DNAH9: variants seen among roughly 807,000 people sequenced by gnomAD.
DNAH9 encodes dynein axonemal heavy chain 9, also known as DNAH9 variant protein.
Under a neutral mutation model 471.6 loss-of-function variants are expected in DNAH9, and 345 were observed. The observed-to-expected ratio is 0.73, with a 90% CI of 0.67 to 0.80. The LOEUF (loss-of-function observed/expected upper bound fraction) is 0.80. Ranked by LOEUF, DNAH9 falls within the 30% of genes least tolerant of loss-of-function variation. The probability of loss-of-function intolerance (pLI) is 0.00; values close to 1 mark genes in which losing one functional copy is unlikely to be tolerated. For synonymous variants in DNAH9, 2,093 were observed against 2,123.6 expected (o/e 0.99, Z 0.40); for missense variants, 5,407 against 5,609.2 (o/e 0.96, Z 1.15).
chr17:11,867,149 ATTCAGCCATC>A (rs1390002073), intron 50 of DNAH9, among the ~76,000 whole-genome samples: 2 of 152,186 alleles, frequency 1.3e-5, no homozygotes, highest in African/African-American at 2.4e-5. Context: ...AGCTGTTCCT[ATTCAGCCATC>A]TTGGCTCCTC....
chr17:11,920,118 C>T (rs1974090215), intron 61 of DNAH9, among the ~76,000 whole-genome samples: 1 of 151,122 alleles, frequency 6.6e-6, no homozygotes, highest in Non-Finnish European at 1.5e-5. Flanking sequence ...CTCACCACAA[C>T]CTCTGCCTCC....
At chr17:11,904,458 G>A (rs369024232) in intron 60 of DNAH9, among the ~76,000 whole-genome samples, 5 of 150,866 alleles carry the variant, frequency 3.3e-5, no homozygotes, top group South Asian at 2.1e-4. Context: ...GTGAAACCCC[G>A]TCTCTACTAA....
At chr17:11,666,401 A>G (rs143403151) in intron 15 of DNAH9, among the ~76,000 whole-genome samples, 17 of 152,284 alleles carry the variant, frequency 1.1e-4, no homozygotes, top group African/African-American at 3.8e-4. Context: ...TGTGGGAAGG[A>G]CAGAGTGGGA....
At chr17:11,826,311 AC>A (rs1970486982) in intron 48 of DNAH9, among the ~76,000 whole-genome samples, 1 of 151,890 alleles carries the variant, frequency 6.6e-6, no homozygotes, top group African/African-American at 2.4e-5. Flanking sequence ...TATATTCTCT[AC>A]TTCAATGAAT....
intron 33 of DNAH9, among the ~76,000 whole-genome samples, chr17:11,753,556 A>C (rs1000945160): frequency 6.6e-6 from 1 of 152,160 alleles, no homozygotes; most frequent in African/African-American, 2.4e-5. Flanking sequence ...AATCCCAGCT[A>C]TTCAGGAGGC....
At chr17:11,933,730 C>G (rs1452905310) in intron 64 of DNAH9, 150 bp from the exon 65 acceptor site, 8 of 715,352 alleles carry the variant, frequency 1.1e-5, no homozygotes, top group Non-Finnish European at 4.5e-6. Flanking sequence ...CTGCTGGGCA[C>G]TGAGGGTATG....
chr17:11,880,990 T>G (rs1972698346), intron 54 of DNAH9, among the ~76,000 whole-genome samples: 1 of 152,154 alleles, frequency 6.6e-6, no homozygotes. Context: ...TTCCTAGAGT[T>G]GCACAGTACA....
At chr17:11,619,472 T>C in intron 5 of DNAH9, 76 bp from the exon 6 acceptor site, 1 of 795,498 alleles carries the variant, frequency 1.3e-6, no homozygotes, top group African/African-American at 1.7e-5. Context: ...GGGGCAATGA[T>C]TCAGTTCAGA....
intron 59 of DNAH9, among the ~76,000 whole-genome samples, chr17:11,899,472 C>T (rs2151010548): frequency 6.6e-6 from 1 of 152,312 alleles, no homozygotes; most frequent in South Asian, 2.1e-4. Context: ...TTTTGCTACA[C>T]AGTCCAAAGT....
rs779642606 is a variant in DNAH9, at chr17:11,869,507, G to T, written c.10053+254G>T. ...ATCTATCAGGCAGCTCATGCAAAAT[G>T]GTAACACACTTATATTCATGTGTAT... On this transcript the variant is annotated intron_variant, in intron 51 of 68. Coordinates refer to ENST00000262442, the MANE Select transcript of DNAH9 (RefSeq NM_001372.4). 3.8e-4 allele frequency among the ~76,000 whole-genome samples: 58 copies of T among 152,248 alleles called. No individual in the cohort carries two copies. In the Middle Eastern group the frequency reaches 0.01, roughly 27 times the overall value.
rs1261933251 is a variant in DNAH9 at position 11,598,654 on chromosome 17, G to T, written c.156G>T (p.Ala52=). The change falls in exon 1 of 69, where the codon GCG becomes GCT. Residue 52 remains alanine (A), a synonymous_variant. Coordinates refer to ENST00000262442, the MANE Select transcript of DNAH9 (RefSeq NM_001372.4). ...AWERCAGSAE[A]EQLLQAFLGR... ...AGCGTTGCGCGGGGAGTGCTGAGGC[G>T]GAGCAGCTGCTCCAGGCCTTCCTGG... The T allele has an allele frequency of 3.2e-5, 44 of 1,354,582 alleles. No homozygotes were observed. The highest frequency in any genetic ancestry group is 4.0e-5 in the Non-Finnish European group (42 of 1,059,124). The allele number at this position is 1,354,582 out of a possible 1,614,324, so 83.9% of individuals were successfully genotyped here. A position where few individuals can be genotyped will look rare whatever the true frequency, so the allele number is the denominator to read the frequency against.
chr17:11,844,984 CTTT>C (rs553196445), intron 49 of DNAH9, among the ~76,000 whole-genome samples: 1 of 149,812 alleles, frequency 6.7e-6, no homozygotes, highest in East Asian at 2.0e-4. Flanking sequence ...CCTTTGTCCA[CTTT>C]TTTTTTACCA....
intron 45 of DNAH9, among the ~76,000 whole-genome samples, chr17:11,818,168 C>T (rs1395626836): frequency 2.6e-5 from 4 of 152,202 alleles, no homozygotes; most frequent in African/African-American, 7.2e-5. Flanking sequence ...TGGTGGCTCA[C>T]GCCTATAATC....
intron 50 of DNAH9, among the ~76,000 whole-genome samples, chr17:11,866,729 C>T (rs991420687): frequency 3.5e-4 from 54 of 152,332 alleles, no homozygotes; most frequent in Middle Eastern, 3.4e-3. Context: ...CAATGGCGGG[C>T]GCCCCTCCCC....
At chr17:11,893,015 G>T (rs1404051478) in intron 58 of DNAH9, among the ~76,000 whole-genome samples, 1 of 151,954 alleles carries the variant, frequency 6.6e-6, no homozygotes, top group East Asian at 1.9e-4. Context: ...CACGGTTGAA[G>T]GCCCTTTCCA....
intron 2 of DNAH9, among the ~76,000 whole-genome samples, chr17:11,608,556 A>G (rs984292938): frequency 1.3e-5 from 2 of 152,180 alleles, no homozygotes; most frequent in Non-Finnish European, 2.9e-5. Flanking sequence ...TTACAGCAAT[A>G]TGGCCTTTTT....
intron 32 of DNAH9, among the ~76,000 whole-genome samples, chr17:11,748,643 T>G (rs1189541161): frequency 6.6e-6 from 1 of 152,136 alleles, no homozygotes; most frequent in Non-Finnish European, 1.5e-5. Context: ...TCTACAGTGA[T>G]TCAGAGGCCC....
At chr17:11,884,763 G>A (rs374838800) in intron 56 of DNAH9, among the ~76,000 whole-genome samples, 6 of 152,082 alleles carry the variant, frequency 3.9e-5, no homozygotes, top group African/African-American at 1.2e-4. Flanking sequence ...TATGGCCTCC[G>A]TATCTCTGGT....
At chr17:11,812,031 A>ATG (rs1969941565) in intron 45 of DNAH9, among the ~76,000 whole-genome samples, 1 of 44,926 alleles carries the variant, frequency 2.2e-5, no homozygotes, top group Admixed American at 2.1e-4. Context: ...AAAAAAATAT[A>ATG]TATATATATA....
Sources: gnomAD v4.1 joint callset for allele counts (sites outside exome capture counted in the v4.1 genomes callset) on GRCh38, gnomAD v4.1.1 for gene constraint, MANE v1.5 for transcripts, NCBI Gene and HGNC (gene_info 2026-07-23, HGNC 2026-07-21) for gene names.